ABR: variants seen among roughly 807,000 people sequenced by gnomAD.
ABR encodes ABR activator of RhoGEF and GTPase, also known as active breakpoint cluster region-related protein.
ABR carries 35 observed loss-of-function variants against 107.2 expected under a neutral mutation model. The observed-to-expected ratio is 0.33, with a 90% CI of 0.25 to 0.43. ABR has a LOEUF of 0.43. ABR is among the 20% of genes least tolerant of loss of function. The pLI is 1.00. For missense variants in ABR, 815 were observed against 1,115.2 expected, an observed-to-expected ratio of 0.73 and a Z score of 3.83; for synonymous variants, 498 against 462.0, an observed-to-expected ratio of 1.08 and a Z score of -1.00.
intron 1 of ABR, among the ~76,000 whole-genome samples, chr17:1,213,631 C>T (rs1034201313): frequency 2.0e-4 from 30 of 151,864 alleles, no homozygotes; most frequent in African/African-American, 6.0e-4. Flanking sequence ...GACCTCGTGA[C>T]TCACCCGCCT....
chr17:1,199,349 A>T (rs1451175003), intron 1 of ABR, among the ~76,000 whole-genome samples: 1 of 150,938 alleles, frequency 6.6e-6, no homozygotes, highest in Admixed American at 6.6e-5. Context: ...CATGTCATAG[A>T]CCACCAAGAG....
At chr17:1,096,966 G>C (rs1597793837) in intron 3 of ABR, among the ~76,000 whole-genome samples, 2 of 145,450 alleles carry the variant, frequency 1.4e-5, no homozygotes, top group Admixed American at 1.4e-4. Context: ...GAGAGCCGGG[G>C]AAGGGGGGAA....
At chr17:1,196,348 T>C (rs936806730) in intron 1 of ABR, among the ~76,000 whole-genome samples, 2 of 152,050 alleles carry the variant, frequency 1.3e-5, no homozygotes, top group Non-Finnish European at 2.9e-5. Flanking sequence ...GAGAATCACT[T>C]GAACCCAGGA....
intron 3 of ABR, 56 bp from the exon 4 acceptor site, chr17:1,091,906 C>T (rs1449881312): frequency 2.9e-5 from 44 of 1,540,480 alleles, no homozygotes; most frequent in Non-Finnish European, 3.7e-5. Flanking sequence ...ACCAGAGTGT[C>T]GGCAGGCCCC....
chr17:1,122,389 G>A (rs1350119747), intron 2 of ABR, among the ~76,000 whole-genome samples: 1 of 152,178 alleles, frequency 6.6e-6, no homozygotes, highest in Admixed American at 6.5e-5. Context: ...TATGTGTATT[G>A]GTGGACTGAG....
chr17:1,010,495 G>A lies in ABR; in HGVS notation c.2236+234C>T, dbSNP rs991621708. On this transcript the variant is annotated intron_variant, in intron 20 of 22. Transcript: ENST00000302538. The surrounding 1 kb of genome is among the most constrained non-coding windows in gnomAD (Gnocchi z 4.1). The stretch of plus-strand genomic sequence containing the variant: ...CAACGTCCAAATAGGAAGCAGAAGG[G>A]GCTGCCCATGGGGACATCAGGGGCA... The A allele has an allele frequency of 2.3e-5, 13 of 558,024 alleles. No homozygotes were observed. The highest frequency in any genetic ancestry group is 3.5e-5 in the Non-Finnish European group (11 of 316,568). 34.6% of individuals were successfully genotyped at this position (558,024 alleles called of 1,614,324 possible).
intron 16 of ABR, among the ~76,000 whole-genome samples, chr17:1,028,814 G>A (rs948311608): frequency 6.6e-6 from 1 of 152,206 alleles, no homozygotes; most frequent in Non-Finnish European, 1.5e-5. Context: ...TCTGGGTCAG[G>A]AGCGTCTTGG....
Position 1,013,141 on chromosome 17 carries a change from G to T in ABR, c.1815C>A (p.Thr605=). 1 of 1,614,174 alleles carries T rather than the reference G, an allele frequency of 6.2e-7. No individual in the cohort carries two copies. Among genetic ancestry groups the T allele is most frequent in the South Asian group, 1.1e-5 (1 of 91,082 alleles). ...CAATCACGTCCGTGTGCCAGTTCTT[G>T]GTCTCCACGGTTTGTGGGTCCAGCT... The part of the protein sequence containing the change: ...QIQLDPQTVE[T]KNWHTDVIEM... The change falls in exon 17 of 23, where the codon ACC becomes ACA. Residue 605 remains threonine (T), a synonymous_variant. Coordinates refer to ENST00000302538, the MANE Select transcript of ABR (RefSeq NM_021962.5).
chr17:1,123,203 G>A (rs990616977), intron 2 of ABR, among the ~76,000 whole-genome samples: 3 of 151,378 alleles, frequency 2.0e-5, no homozygotes, highest in East Asian at 1.9e-4. Flanking sequence ...GGCAGGTGCC[G>A]CGGATGGGAC....
At chr17:1,165,563 C>T (rs993719824) in intron 1 of ABR, among the ~76,000 whole-genome samples, 6 of 152,128 alleles carry the variant, frequency 3.9e-5, no homozygotes, top group Non-Finnish European at 7.4e-5. Flanking sequence ...CGAAGTTGTG[C>T]TCTTGTTGCC....
chr17:1,091,543 C>T lies in ABR; in HGVS notation c.531+122G>A, dbSNP rs1378741578. On this transcript the variant is annotated intron_variant, in intron 4 of 22. Coordinates refer to ENST00000302538, the MANE Select transcript of ABR (RefSeq NM_021962.5). The stretch of plus-strand genomic sequence containing the variant: ...CAGGCCCAGGCCTTCCTCCCGGACT[C>T]GGAGAGGTCTCAGGCCTTCAAGGAG... 9 of 1,154,714 alleles carry T rather than the reference C, an allele frequency of 7.8e-6. No individual in the cohort carries two copies. In the African/African-American group the frequency reaches 7.8e-5, roughly 10 times the overall value. The allele number at this position is 1,154,714 out of a possible 1,614,324, so 71.5% of individuals were successfully genotyped here.
chr17:1,123,159 G>T (rs976215449), intron 2 of ABR, among the ~76,000 whole-genome samples: 2 of 151,228 alleles, frequency 1.3e-5, no homozygotes, highest in South Asian at 4.2e-4. Flanking sequence ...CGGTGACCCA[G>T]CAGAAAGGGC....
intron 1 of ABR, among the ~76,000 whole-genome samples, chr17:1,140,248 C>A (rs1482822630): frequency 1.3e-5 from 2 of 152,196 alleles, no homozygotes; most frequent in Non-Finnish European, 2.9e-5. Context: ...GCTTGGAGGG[C>A]TGAGCGATGG....
At chr17:1,086,983 A>G (rs923029602) in intron 4 of ABR, among the ~76,000 whole-genome samples, 8 of 151,906 alleles carry the variant, frequency 5.3e-5, no homozygotes, top group African/African-American at 1.9e-4. Context: ...ACAGATATGT[A>G]GTAAACACAC....
At chr17:1,017,899 G>A (rs912107767) in intron 16 of ABR, among the ~76,000 whole-genome samples, 7 of 151,788 alleles carry the variant, frequency 4.6e-5, no homozygotes, top group Non-Finnish European at 7.4e-5. Flanking sequence ...CACCGCACTC[G>A]GCCTGTATTT....
chr17:1,083,659 G>T, intron 4 of ABR, 32 bp from the exon 5 acceptor site: 1 of 1,501,388 alleles, frequency 6.7e-7, no homozygotes, highest in Non-Finnish European at 9.3e-7. Context: ...CAGAGGGAGA[G>T]GAGGGTGGGA....
chr17:1,025,715 C>T (rs1263595250), intron 16 of ABR, among the ~76,000 whole-genome samples: 2 of 152,188 alleles, frequency 1.3e-5, no homozygotes, highest in African/African-American at 4.8e-5. Context: ...CAGGCATCCC[C>T]CCGTCACTCT....
At chr17:1,135,024 GTTA>G (rs2039995792) in intron 1 of ABR, among the ~76,000 whole-genome samples, 1 of 152,344 alleles carries the variant, frequency 6.6e-6, no homozygotes, top group South Asian at 2.1e-4. Flanking sequence ...TATTATTACT[GTTA>G]TTAATTGGAT....
intron 5 of ABR, among the ~76,000 whole-genome samples, chr17:1,081,872 C>T (rs1217278214): frequency 1.3e-5 from 2 of 152,196 alleles, no homozygotes; most frequent in Admixed American, 6.5e-5. Context: ...CCGCCACGCC[C>T]GGCTTCTATA....
Sources: gnomAD v4.1 joint callset for allele counts (sites outside exome capture counted in the v4.1 genomes callset) on GRCh38, gnomAD v4.1.1 for gene constraint, Gnocchi (gnomAD v3.1) non-coding constraint, MANE v1.5 for transcripts, NCBI Gene and HGNC (gene_info 2026-07-23, HGNC 2026-07-21) for gene names.